Variants in RBMS3 observed in about 807,000 individuals in gnomAD.
The protein encoded by RBMS3 is RNA-binding motif, single-stranded-interacting protein 3.
Under a neutral mutation model 66.8 loss-of-function variants are expected in RBMS3, and 27 were observed. That is an observed-to-expected ratio of 0.40 (90% CI 0.30 to 0.56). RBMS3 has a LOEUF of 0.56. Among genes scored for constraint, RBMS3 ranks in the 20% least tolerant of loss-of-function variants. RBMS3 has a pLI of 0.40. For missense variants in RBMS3, 513 were observed against 549.5 expected (o/e 0.93, Z 0.66); for synonymous variants, 188 against 183.0 (o/e 1.03, Z -0.22).
chr3:29,838,243 G>T (rs1029491546), intron 6 of RBMS3, among the ~76,000 whole-genome samples: 1 of 151,844 alleles, frequency 6.6e-6, no homozygotes, highest in African/African-American at 2.4e-5. Context: ...GGAGGCCAGG[G>T]TGGGAGAATT....
intron 4 of RBMS3, among the ~76,000 whole-genome samples, chr3:29,609,470 A>T (rs1209952685): frequency 1.3e-5 from 2 of 151,890 alleles, no homozygotes; most frequent in Non-Finnish European, 2.9e-5. Flanking sequence ...AGTCCAGAAG[A>T]CACTTGGTAG....
intron 6 of RBMS3, among the ~76,000 whole-genome samples, chr3:29,865,327 A>C (rs2059334058): frequency 6.6e-6 from 1 of 152,212 alleles, no homozygotes; most frequent in Non-Finnish European, 1.5e-5. Context: ...ACCTTATAAG[A>C]ACCATTGTTA....
chr3:29,340,783 A>G lies in RBMS3; in HGVS notation c.75+59027A>G, dbSNP rs145413541. Reference sequence around the variant, plus strand: ...TTTTTCAGTTTGACAAGATAATTAGATCATAGTATTTCAGTGACATAGCAG... The same window carrying G: ...TTTTTCAGTTTGACAAGATAATTAGGTCATAGTATTTCAGTGACATAGCAG... On this transcript the variant is annotated intron_variant, in intron 1 of 14. Coordinates refer to ENST00000383767, the MANE Select transcript of RBMS3 (RefSeq NM_001003793.3). Among the ~76,000 whole-genome samples, 356 of 152,286 alleles carry G rather than the reference A, an allele frequency of 2.3e-3. 3 individuals carry two copies. The highest frequency in any genetic ancestry group is 0.011 in the South Asian group (55 of 4,822).
intron 8 of RBMS3, among the ~76,000 whole-genome samples, chr3:29,890,930 C>A (rs1194810271): frequency 6.6e-6 from 1 of 151,168 alleles, no homozygotes; most frequent in African/African-American, 2.4e-5. Flanking sequence ...GGAGGAGAGG[C>A]AGTTGTGTTC....
intron 4 of RBMS3, among the ~76,000 whole-genome samples, chr3:29,657,710 TAGTGTAGGC>T (rs2050375390): frequency 6.6e-6 from 1 of 152,186 alleles, no homozygotes; most frequent in Non-Finnish European, 1.5e-5. Context: ...TGACTTTGAT[TAGTGTAGGC>T]AGTCAATACT....
At chr3:29,537,198 G>C (rs1290017559) in intron 3 of RBMS3, among the ~76,000 whole-genome samples, 1 of 148,308 alleles carries the variant, frequency 6.7e-6, no homozygotes, top group Admixed American at 6.7e-5. Flanking sequence ...ATGAGGGAAA[G>C]TAGTTTGTCA....
intron 4 of RBMS3, among the ~76,000 whole-genome samples, chr3:29,723,364 A>G (rs1193275106): frequency 1.3e-5 from 2 of 152,184 alleles, no homozygotes; most frequent in Admixed American, 1.3e-4. Context: ...GTTAACGTCA[A>G]TATTCCTTCT....
chr3:29,306,063 A>G (rs17665445), intron 1 of RBMS3, among the ~76,000 whole-genome samples: 14,584 of 152,014 alleles, frequency 0.096, 922 homozygotes, highest in Non-Finnish European at 0.14. Flanking sequence ...GTTGCTTGAC[A>G]TATCTTTTCT....
intron 1 of RBMS3, among the ~76,000 whole-genome samples, chr3:29,407,855 T>C (rs989285200): frequency 2.6e-5 from 4 of 152,224 alleles, no homozygotes; most frequent in Non-Finnish European, 2.9e-5. Context: ...CTAACTTGAC[T>C]AATAATAGAA....
chr3:29,623,297 A>C (rs895311540), intron 4 of RBMS3, among the ~76,000 whole-genome samples: 1 of 152,024 alleles, frequency 6.6e-6, no homozygotes. Flanking sequence ...AAACATTATA[A>C]AAGTATAAAA....
At chr3:29,701,928 C>G (rs938822503) in intron 4 of RBMS3, among the ~76,000 whole-genome samples, 1 of 152,212 alleles carries the variant, frequency 6.6e-6, no homozygotes, top group African/African-American at 2.4e-5. Context: ...AGTGCAGGCC[C>G]TCGGTGTGGG....
chr3:29,651,983 C>T (rs1447619951), intron 4 of RBMS3, among the ~76,000 whole-genome samples: 1 of 152,116 alleles, frequency 6.6e-6, no homozygotes, highest in African/African-American at 2.4e-5. Context: ...TTAACTGTAG[C>T]ATACTCCAGC....
At chr3:29,769,404 A>T (rs1463681932) in intron 6 of RBMS3, among the ~76,000 whole-genome samples, 9 of 151,958 alleles carry the variant, frequency 5.9e-5, no homozygotes, top group Admixed American at 5.9e-4. Context: ...GTGGACATCA[A>T]ATATGACATC....
intron 4 of RBMS3, among the ~76,000 whole-genome samples, chr3:29,647,268 C>T (rs538694810): frequency 3.3e-5 from 5 of 152,164 alleles, no homozygotes; most frequent in South Asian, 2.1e-4. Flanking sequence ...CGTGAGCCAC[C>T]GTGCACGGCC....
chr3:29,473,328 A>C (rs1036276824), intron 2 of RBMS3, among the ~76,000 whole-genome samples: 1 of 152,200 alleles, frequency 6.6e-6, no homozygotes, highest in African/African-American at 2.4e-5. Context: ...AAGGTTCTCC[A>C]AGTCCCCACC....
intron 3 of RBMS3, among the ~76,000 whole-genome samples, chr3:29,535,710 CTTTTTTTTTTTTTTTTTTTTT>C (rs149022808): frequency 5.0e-5 from 2 of 39,732 alleles, no homozygotes; most frequent in Non-Finnish European, 8.5e-5. Flanking sequence ...GATCATTGCT[CTTTTTTTTTTTTTTTTTTTTT>C]TTTTTTTTTT....
rs577116102 is a variant in RBMS3 at position 29,759,083 on chromosome 3, C to T, written c.558-3827C>T. ...AGGCTGCAAATGGTTTTGCAAAGTA[C>T]GTTTCTACCTCTGCATGTTAAGTCT... On this transcript the variant is annotated intron_variant, in intron 5 of 14. Coordinates refer to ENST00000383767, the MANE Select transcript of RBMS3 (RefSeq NM_001003793.3). Among the ~76,000 whole-genome samples, 22 of 152,214 alleles carry T rather than the reference C, an allele frequency of 1.4e-4. No individual in the cohort carries two copies. The East Asian group carries it at 1.9e-3, about 13-fold the overall frequency.
chr3:29,388,614 G>T (rs35439137), intron 1 of RBMS3, among the ~76,000 whole-genome samples: 1 of 152,044 alleles, frequency 6.6e-6, no homozygotes, highest in Non-Finnish European at 1.5e-5. Flanking sequence ...TTGCTCTGTC[G>T]CACAGGCTGG....
At chr3:29,353,027 G>T (rs1333753869) in intron 1 of RBMS3, among the ~76,000 whole-genome samples, 2 of 151,094 alleles carry the variant, frequency 1.3e-5, no homozygotes, top group African/African-American at 2.4e-5. Flanking sequence ...TACTTAATAC[G>T]TTTAAATGGC....
Sources: gnomAD v4.1 joint callset for allele counts (sites outside exome capture counted in the v4.1 genomes callset) on GRCh38, gnomAD v4.1.1 for gene constraint, MANE v1.5 for transcripts, NCBI Gene and HGNC (gene_info 2026-07-23, HGNC 2026-07-21) for gene names.